Variants in LINGO2 observed in about 807,000 individuals in gnomAD.
LINGO2 encodes the protein leucine-rich repeat and immunoglobulin-like domain-containing nogo receptor-interacting protein 2.
LINGO2 carries 14 observed loss-of-function variants against 30.6 expected under a neutral mutation model. The ratio of observed to expected loss-of-function variants is 0.46; its 90% CI spans 0.30 to 0.72. LINGO2 has a LOEUF of 0.72. Among genes scored for constraint, LINGO2 ranks in the 30% least tolerant of loss-of-function variants. The pLI, the probability that LINGO2 is intolerant of heterozygous loss-of-function variation, is 0.07. For missense variants in LINGO2, 729 were observed against 751.7 expected (o/e 0.97, Z 0.35); for synonymous variants, 317 against 288.5 (o/e 1.10, Z -1.00).
intron 2 of LINGO2, among the ~76,000 whole-genome samples, chr9:28,440,771 T>C (rs185129302): frequency 1.3e-5 from 2 of 152,330 alleles, no homozygotes; most frequent in South Asian, 2.1e-4. Context: ...TGAAACATAC[T>C]ACATATGCCT....
At chr9:28,149,326 G>A (rs1827914799) in intron 4 of LINGO2, 1 of 545,646 alleles carries the variant, frequency 1.8e-6, no homozygotes, top group South Asian at 2.1e-5. Flanking sequence ...TCTGGGAAGT[G>A]AGGAGCGCCT....
At chr9:28,034,304 C>T (rs1034483801) in intron 4 of LINGO2, among the ~76,000 whole-genome samples, 2 of 152,188 alleles carry the variant, frequency 1.3e-5, no homozygotes, top group African/African-American at 4.8e-5. Context: ...ATTTCACTTT[C>T]TTTCTTTTCG....
the LINGO2 span, among the ~76,000 whole-genome samples, chr9:28,771,490 T>A: frequency 1.6e-5 from 2 of 127,940 alleles, no homozygotes; most frequent in African/African-American, 3.6e-5. Flanking sequence ...TGTGTGTGTG[T>A]GTGTGTGTGT....
chr9:28,348,820 T>C (rs902040365), intron 3 of LINGO2, among the ~76,000 whole-genome samples: 6 of 151,956 alleles, frequency 3.9e-5, no homozygotes, highest in Non-Finnish European at 8.8e-5. Context: ...GCAGACTGCC[T>C]CCTCAAGTGG....
At chr9:28,826,933 A>T in the LINGO2 span, among the ~76,000 whole-genome samples, 1 of 152,108 alleles carries the variant, frequency 6.6e-6, no homozygotes, top group Non-Finnish European at 1.5e-5. Flanking sequence ...TCTGAAACCC[A>T]GTTTCTGAGT....
intron 3 of LINGO2, among the ~76,000 whole-genome samples, chr9:28,300,471 T>C (rs1824098969): frequency 6.6e-6 from 1 of 152,158 alleles, no homozygotes; most frequent in Non-Finnish European, 1.5e-5. Context: ...GATTATGATC[T>C]AGAAACTTTA....
chr9:28,530,491 T>A (rs1052502343), intron 1 of LINGO2, among the ~76,000 whole-genome samples: 1 of 152,082 alleles, frequency 6.6e-6, no homozygotes, highest in African/African-American at 2.4e-5. Context: ...CCTCTCAGAG[T>A]AAACATAACG....
the LINGO2 span, among the ~76,000 whole-genome samples, chr9:29,069,950 G>A: frequency 0.22 from 33,240 of 151,778 alleles, 4,006 homozygotes; most frequent in African/African-American, 0.32. Context: ...ACAGCCAGGC[G>A]GGATAGTTAT....
intron 5 of LINGO2, among the ~76,000 whole-genome samples, chr9:27,992,374 G>A (rs1313064138): frequency 6.6e-6 from 1 of 152,058 alleles, no homozygotes; most frequent in Non-Finnish European, 1.5e-5. Flanking sequence ...TCAATGTAAT[G>A]TATGCACTTA....
chr9:28,540,435 A>AT lies in LINGO2; in HGVS notation c.-364-64411dup, dbSNP rs1351218908. Among the ~76,000 whole-genome samples the AT allele has an allele frequency of 3.3e-5, 5 of 151,646 alleles. No individual in the cohort carries two copies. In the South Asian group the frequency reaches 8.3e-4, roughly 25 times the overall value. On this transcript the variant is annotated intron_variant, in intron 1 of 5. Transcript: ENST00000379992. ...GCCACCACGTCCGACTAATTTTTGTATTTTTTTGTAGAGACAGGGTTTCAT... is the reference window on the plus strand; with the variant it reads ...GCCACCACGTCCGACTAATTTTTGTATTTTTTTTGTAGAGACAGGGTTTCAT...
At chr9:28,020,329 G>A (rs1823049718) in intron 4 of LINGO2, among the ~76,000 whole-genome samples, 1 of 152,140 alleles carries the variant, frequency 6.6e-6, no homozygotes, top group Non-Finnish European at 1.5e-5. Flanking sequence ...AGGAGTTTGT[G>A]ACCAGCCTAA....
At chr9:28,188,171 T>G (rs531809527) in intron 4 of LINGO2, among the ~76,000 whole-genome samples, 1 of 152,162 alleles carries the variant, frequency 6.6e-6, no homozygotes, top group South Asian at 2.1e-4. Flanking sequence ...ACTAAACAGC[T>G]GACAGGCTTT....
At chr9:28,387,595 C>G (rs72711449) in intron 2 of LINGO2, among the ~76,000 whole-genome samples, 27 of 152,310 alleles carry the variant, frequency 1.8e-4, no homozygotes, top group Non-Finnish European at 3.1e-4. Context: ...ACACTCACTA[C>G]GAAGGTCTGC....
At chr9:27,953,239 T>C (rs1819401460) in intron 5 of LINGO2, among the ~76,000 whole-genome samples, 1 of 152,204 alleles carries the variant, frequency 6.6e-6, no homozygotes, top group South Asian at 2.1e-4. Context: ...TAGATTTAAA[T>C]ATATCTAAGT....
intron 4 of LINGO2, among the ~76,000 whole-genome samples, chr9:28,044,633 G>A (rs960060317): frequency 2.0e-5 from 3 of 152,156 alleles, no homozygotes; most frequent in South Asian, 2.1e-4. Context: ...AGTATGGTAT[G>A]GTAGTTCTAA....
At chr9:29,051,954 C>T in the LINGO2 span, among the ~76,000 whole-genome samples, 1 of 152,106 alleles carries the variant, frequency 6.6e-6, no homozygotes. Flanking sequence ...GCATCTGGCA[C>T]ATAATAAGCA....
chr9:28,082,299 T>C (rs1056999695), intron 4 of LINGO2, among the ~76,000 whole-genome samples: 1 of 152,196 alleles, frequency 6.6e-6, no homozygotes, highest in African/African-American at 2.4e-5. Flanking sequence ...TTAAGTCATC[T>C]CATATGGGCG....
the LINGO2 span, among the ~76,000 whole-genome samples, chr9:28,790,056 A>G: frequency 1.3e-5 from 2 of 152,184 alleles, no homozygotes; most frequent in Non-Finnish European, 2.9e-5. Flanking sequence ...TATTAAATGG[A>G]AAATTCCAGA....
exon 6 of LINGO2, chr9:27,949,188 G>A: frequency 3.7e-6 from 6 of 1,614,110 alleles, no homozygotes; most frequent in Middle Eastern, 1.6e-4. Flanking sequence ...TAAGGAGGCT[G>A]TGAAGGTATC....
Sources: allele counts gnomAD v4.1 joint callset (sites outside exome capture counted in the v4.1 genomes callset), GRCh38; gene constraint gnomAD v4.1.1; transcripts MANE v1.5; gene names NCBI Gene and HGNC (gene_info 2026-07-23, HGNC 2026-07-21).